CD109: variants seen among roughly 807,000 people sequenced by gnomAD.
CD109 encodes the protein CD109 molecule.
A neutral mutation model predicts 165.8 loss-of-function variants in CD109; 149 were observed. The ratio of observed to expected loss-of-function variants is 0.90; its 90% CI spans 0.79 to 1.03. The LOEUF is 1.03. Among genes scored for constraint, CD109 ranks in the 50% least tolerant of loss-of-function variants. The pLI is 0.00. For missense variants in CD109, 1,712 were observed against 1,677.8 expected, an observed-to-expected ratio of 1.02 and a Z score of -0.36; for synonymous variants, 585 against 592.1, an observed-to-expected ratio of 0.99 and a Z score of 0.18.
intron 5 of CD109, among the ~76,000 whole-genome samples, chr6:73,754,101 A>G (rs1184880070): frequency 1.3e-5 from 2 of 152,220 alleles, no homozygotes; most frequent in East Asian, 1.9e-4. Context: ...GGAGAGGGCA[A>G]TCAAGAAAAG....
chr6:73,758,958 G>A lies in CD109; in HGVS notation c.688G>A (p.Glu230Lys). The A allele has an allele frequency of 6.3e-7, 1 of 1,598,020 alleles. No homozygotes were observed. The highest frequency in any genetic ancestry group is 1.1e-5 in the South Asian group (1 of 89,968). ...QVSEYVLPKF[E>K]VTLQTPLYCS... ...TTCTTTTCCAGTATTACCAAAATTTGAAGTGACTTTGCAGACACCATTATA... is the reference window on the plus strand; with the variant it reads ...TTCTTTTCCAGTATTACCAAAATTTAAAGTGACTTTGCAGACACCATTATA... The change falls in exon 7 of 33, where the codon GAA (glutamate) becomes AAA (lysine). Residue 230 changes from glutamate to lysine, a missense_variant. Coordinates refer to ENST00000287097, the MANE Select transcript of CD109 (RefSeq NM_133493.5).
chr6:73,710,891 G>A (rs778215732), intron 2 of CD109, among the ~76,000 whole-genome samples: 4 of 152,122 alleles, frequency 2.6e-5, no homozygotes, highest in East Asian at 1.9e-4. Flanking sequence ...AGCTGTAGAC[G>A]GTTCATAAAC....
the CD109 span, among the ~76,000 whole-genome samples, chr6:73,685,119 G>C: frequency 6.6e-6 from 1 of 151,332 alleles, no homozygotes; most frequent in South Asian, 2.1e-4. Context: ...GGCCAGGATG[G>C]TCTTGATCTC....
chr6:73,718,985 G>A (rs759144894), intron 2 of CD109, among the ~76,000 whole-genome samples: 2 of 151,990 alleles, frequency 1.3e-5, no homozygotes, highest in African/African-American at 4.8e-5. Context: ...TCTAGTAGCC[G>A]CACTAAAAAA....
intron 15 of CD109, among the ~76,000 whole-genome samples, chr6:73,779,092 A>G (rs556887578): frequency 3.4e-4 from 52 of 152,080 alleles, no homozygotes; most frequent in African/African-American, 1.2e-3. Flanking sequence ...CCCCTTCCCC[A>G]CAGCCCTTGG....
upstream of CD109, among the ~76,000 whole-genome samples, chr6:73,691,742 A>C (rs558005616): frequency 1.3e-5 from 2 of 152,284 alleles, no homozygotes; most frequent in South Asian, 2.1e-4. Context: ...AAACTGCCCT[A>C]CCAGCTCCCA....
At chr6:73,808,710 G>A (rs1435544409) in intron 26 of CD109, among the ~76,000 whole-genome samples, 2 of 151,846 alleles carry the variant, frequency 1.3e-5, no homozygotes, top group African/African-American at 4.8e-5. Flanking sequence ...TCAAAAATAG[G>A]AACTAAAATG....
chr6:73,798,162 T>C (rs1775237300), intron 23 of CD109, among the ~76,000 whole-genome samples: 1 of 151,612 alleles, frequency 6.6e-6, no homozygotes, highest in Non-Finnish European at 1.5e-5. Context: ...TCATCCAGTC[T>C]GGAGTACAGT....
intron 23 of CD109, among the ~76,000 whole-genome samples, chr6:73,801,404 A>G (rs1775356150): frequency 6.6e-6 from 1 of 152,272 alleles, no homozygotes; most frequent in Non-Finnish European, 1.5e-5. Flanking sequence ...ACTGCACCGT[A>G]ATAATTCAAT....
At chr6:73,774,104 T>G (rs1338438942) in intron 15 of CD109, among the ~76,000 whole-genome samples, 1 of 152,222 alleles carries the variant, frequency 6.6e-6, no homozygotes, top group Non-Finnish European at 1.5e-5. Context: ...TGTTTTATAT[T>G]CTGATATTTC....
At chr6:73,690,504 A>T in the CD109 span, among the ~76,000 whole-genome samples, 1 of 152,142 alleles carries the variant, frequency 6.6e-6, no homozygotes, top group Non-Finnish European at 1.5e-5. Flanking sequence ...CAGGTTCAAG[A>T]GATTCTCCTG....
At chr6:73,795,538 G>A (rs745968568) in intron 23 of CD109, among the ~76,000 whole-genome samples, 1 of 152,118 alleles carries the variant, frequency 6.6e-6, no homozygotes, top group Non-Finnish European at 1.5e-5. Context: ...ACCCAGAAAG[G>A]GTCTCTACTG....
At chr6:73,767,936 C>T (rs941253102) in intron 13 of CD109, 119 bp from the exon 14 acceptor site, 3 of 835,044 alleles carry the variant, frequency 3.6e-6, no homozygotes, top group Admixed American at 2.5e-5. Context: ...TTCCAAAAGA[C>T]TTTGAAGCTG....
intron 4 of CD109, 86 bp from the exon 5 acceptor site, chr6:73,736,297 T>C (rs542942993): frequency 1.5e-5 from 21 of 1,416,472 alleles, no homozygotes; most frequent in East Asian, 1.2e-4. Context: ...TGGGTGGGAA[T>C]GCTGCAAGGC....
chr6:73,702,357 G>T (rs565055413), intron 2 of CD109, among the ~76,000 whole-genome samples: 5 of 152,234 alleles, frequency 3.3e-5, no homozygotes, highest in African/African-American at 9.6e-5. Context: ...TGGAAACAAA[G>T]CTCCTGAACA....
At chr6:73,771,304 T>C in intron 14 of CD109, 125 bp from the exon 15 acceptor site, 1 of 710,690 alleles carries the variant, frequency 1.4e-6, no homozygotes, top group Admixed American at 3.4e-5. Flanking sequence ...TGCATGGTTT[T>C]AGAATTATCC....
intron 10 of CD109, 121 bp downstream of exon 10, chr6:73,763,806 CTT>C (rs1305034720): frequency 4.4e-6 from 2 of 451,472 alleles, no homozygotes; most frequent in Non-Finnish European, 7.7e-6. Flanking sequence ...AACTTTGTCT[CTT>C]TAGACATGTG....
intron 13 of CD109, among the ~76,000 whole-genome samples, chr6:73,767,588 C>A (rs1562055963): frequency 6.6e-6 from 1 of 152,028 alleles, no homozygotes; most frequent in African/African-American, 2.4e-5. Context: ...AAATAAAAAA[C>A]CTTTTTTATT....
intron 5 of CD109, among the ~76,000 whole-genome samples, chr6:73,742,778 G>A (rs1772841934): frequency 6.6e-6 from 1 of 152,200 alleles, no homozygotes; most frequent in Non-Finnish European, 1.5e-5. Context: ...AAACATCAGT[G>A]TGCCACAGAA....
Sources: gnomAD v4.1 joint callset for allele counts (sites outside exome capture counted in the v4.1 genomes callset) on GRCh38, gnomAD v4.1.1 for gene constraint, MANE v1.5 for transcripts, NCBI Gene and HGNC (gene_info 2026-07-23, HGNC 2026-07-21) for gene names.